DOCK8: variants seen among roughly 807,000 people sequenced by gnomAD.
The protein encoded by DOCK8 is dedicator of cytokinesis protein 8.
A neutral mutation model predicts 245.6 loss-of-function variants in DOCK8; 141 were observed. The observed-to-expected ratio is 0.57, with a 90% CI of 0.50 to 0.66. The LOEUF (loss-of-function observed/expected upper bound fraction) is 0.66. Among genes scored for constraint, DOCK8 ranks in the 30% least tolerant of loss-of-function variants. DOCK8 has a pLI of 0.00. For missense variants in DOCK8, 2,965 were observed against 2,603.4 expected, an observed-to-expected ratio of 1.14 and a Z score of -3.02; for synonymous variants, 1,168 against 970.2, an observed-to-expected ratio of 1.20 and a Z score of -3.79.
intron 1 of DOCK8, among the ~76,000 whole-genome samples, chr9:218,343 T>C (rs958738025): frequency 6.6e-6 from 1 of 152,256 alleles, no homozygotes; most frequent in African/African-American, 2.4e-5. Context: ...CGTTCAGTTC[T>C]GACCACACCA....
intron 26 of DOCK8, among the ~76,000 whole-genome samples, chr9:403,923 T>C (rs1197138393): frequency 1.8e-4 from 14 of 78,740 alleles, no homozygotes; most frequent in Admixed American, 8.7e-4. Flanking sequence ...TATACATATA[T>C]ATATATGTGT....
In DOCK8 at chr9:399,372, C is replaced by A. The variant is rs186054625; in HGVS notation, c.3234+113C>A. On this transcript the variant is annotated intron_variant, in intron 26 of 47. Coordinates refer to ENST00000432829, the MANE Select transcript of DOCK8 (RefSeq NM_203447.4). ...TCTTCATTACTGAGTTGGCATGAAT[C>A]CTACACATCCTGTGTTTTGCAGCAC... 433 of 789,356 alleles carry A rather than the reference C, an allele frequency of 5.5e-4. 1 individual carries two copies. Among genetic ancestry groups the A allele is most frequent in the Non-Finnish European group, 8.9e-4 (410 of 458,584 alleles). The allele number at this position is 789,356 out of a possible 1,614,324, so 48.9% of individuals were successfully genotyped here.
chr9:215,400 C>T (rs2046725800), intron 1 of DOCK8: 1 of 1,547,368 alleles, frequency 6.5e-7, no homozygotes, highest in Non-Finnish European at 8.7e-7. Context: ...GTCTCATAAA[C>T]GGCTCCTTCC....
Position 332,597 on chromosome 9 carries a change from C to A in DOCK8, c.1125+119C>A. 1.4e-5 allele frequency: 6 copies of A among 440,882 alleles called. No homozygotes were observed. The East Asian group carries it at 1.6e-4, about 11-fold the overall frequency. The allele number at this position is 440,882 out of a possible 1,614,324, so 27.3% of individuals were successfully genotyped here. On this transcript the variant is annotated intron_variant, in intron 10 of 47. Coordinates refer to ENST00000432829, the MANE Select transcript of DOCK8 (RefSeq NM_203447.4). ...TAATGTGTCCCTATATAAGACACTA[C>A]TACATTTTAATTAAATAAAAGAGGA...
At chr9:421,201 G>A (rs764948402) in intron 32 of DOCK8, 123 bp downstream of exon 32, 16 of 1,350,324 alleles carry the variant, frequency 1.2e-5, no homozygotes, top group Non-Finnish European at 1.7e-5. Context: ...TAGTGTCAGA[G>A]ACAGCGGATT....
At chr9:336,493 G>A in intron 11 of DOCK8, 89 bp from the exon 12 acceptor site, 1 of 1,560,210 alleles carries the variant, frequency 6.4e-7, no homozygotes, top group South Asian at 1.1e-5. Flanking sequence ...CCTGATCAGT[G>A]ACTTTAATCA....
In DOCK8 at chr9:432,243, G is replaced by A. The variant is rs201433235; in HGVS notation, c.4704G>A (p.Glu1568=). ...LVGRAPDFNE[E]HLRRSLRTIL... ...GAAGAGCACCAGACTTTAATGAAGA[G>A]CACCTGAGAAGATCCTTGAGGACAA... Residue 1568 remains glutamate, a synonymous_variant, in exon 37 of 48, where the codon GAG becomes GAA. Coordinates refer to ENST00000432829, the MANE Select transcript of DOCK8 (RefSeq NM_203447.4). 143 of 1,613,742 alleles carry A rather than the reference G, an allele frequency of 8.9e-5. No homozygotes were observed. Among genetic ancestry groups the A allele is most frequent in the Middle Eastern group, 6.6e-4 (4 of 6,060 alleles).
At chr9:428,283 T>C in intron 34 of DOCK8, 79 bp from the exon 35 acceptor site, 1 of 1,608,020 alleles carries the variant, frequency 6.2e-7, no homozygotes. Context: ...ACATCAGCAT[T>C]ACTGAGCTAA....
intron 2 of DOCK8, among the ~76,000 whole-genome samples, chr9:282,999 C>T (rs562203738): frequency 2.6e-5 from 4 of 152,246 alleles, no homozygotes; most frequent in South Asian, 4.1e-4. Flanking sequence ...CAGAGTGGAA[C>T]GTGTGGGTCC....
chr9:299,297 A>G (rs903359503), intron 4 of DOCK8, among the ~76,000 whole-genome samples: 1 of 152,218 alleles, frequency 6.6e-6, no homozygotes, highest in African/African-American at 2.4e-5. Context: ...GTGACTGTTA[A>G]GAAACTAGCA....
intron 46 of DOCK8, among the ~76,000 whole-genome samples, chr9:455,053 C>G (rs941976429): frequency 3.9e-5 from 6 of 152,330 alleles, no homozygotes; most frequent in East Asian, 1.9e-4. Context: ...TAAAGTTGTT[C>G]TCCTACCCTT....
chr9:443,406 C>T (rs1564075389), intron 42 of DOCK8, 21 bp from the exon 43 acceptor site: 1 of 1,605,984 alleles, frequency 6.2e-7, no homozygotes, highest in African/African-American at 1.3e-5. Flanking sequence ...CCTTTATAAA[C>T]TGTTGGTTCT....
At position 426,867 on chromosome 9, in the gene DOCK8, C is replaced by A. The variant is rs140679151; in HGVS notation, c.4242-18C>A. 9.3e-6 allele frequency: 15 copies of A among 1,610,602 alleles called. No individual in the cohort carries two copies. The Admixed American group carries it at 2.3e-4, about 25-fold the overall frequency. ...AGGTTTGACATGCGCTTTAATTTGA[C>A]CTCTTGTTGTTTCCTAGAACAAAGG... is the stretch of plus-strand genomic sequence containing the variant. On this transcript the variant is annotated intron_variant, in intron 33 of 47. Coordinates refer to ENST00000432829, the MANE Select transcript of DOCK8 (RefSeq NM_203447.4).
chr9:281,008 C>G (rs1053023606), intron 2 of DOCK8: 2 of 152,264 alleles, frequency 1.3e-5, no homozygotes, highest in Admixed American at 6.5e-5. Context: ...AATCCCAATA[C>G]TTTGGGAGGC....
At chr9:274,924 A>G (rs1312842634) in intron 2 of DOCK8, among the ~76,000 whole-genome samples, 2 of 152,152 alleles carry the variant, frequency 1.3e-5, no homozygotes, top group East Asian at 1.9e-4. Context: ...GATACAAATG[A>G]TTGTTTAATT....
chr9:462,543 C>T (rs2057838449), intron 46 of DOCK8, among the ~76,000 whole-genome samples: 1 of 152,234 alleles, frequency 6.6e-6, no homozygotes, highest in South Asian at 2.1e-4. Context: ...GCCAAGGCCA[C>T]ATCACTAATC....
intron 14 of DOCK8, among the ~76,000 whole-genome samples, chr9:354,793 T>C (rs975337572): frequency 1.3e-5 from 2 of 152,160 alleles, no homozygotes; most frequent in African/African-American, 4.8e-5. Flanking sequence ...GTGTAGCAAT[T>C]GGCTTCGTCA....
chr9:418,990 T>C (rs1469308517), intron 30 of DOCK8, among the ~76,000 whole-genome samples: 1 of 152,166 alleles, frequency 6.6e-6, no homozygotes, highest in African/African-American at 2.4e-5. Flanking sequence ...GTTGTTTGGC[T>C]CTGTCCTTTT....
intron 19 of DOCK8, among the ~76,000 whole-genome samples, 164 bp downstream of exon 19, chr9:376,469 T>C (rs1270044514): frequency 6.6e-6 from 1 of 152,220 alleles, no homozygotes; most frequent in African/African-American, 2.4e-5. Context: ...TCATTTGTCA[T>C]TGGAATAGAA....
Sources: gnomAD v4.1 joint callset for allele counts (sites outside exome capture counted in the v4.1 genomes callset) on GRCh38, gnomAD v4.1.1 for gene constraint, MANE v1.5 for transcripts, NCBI Gene and HGNC (gene_info 2026-07-23, HGNC 2026-07-21) for gene names.